Variants in ICAM2 observed in about 807,000 individuals in gnomAD.
The protein encoded by ICAM2 is ICAM-2.
Under a neutral mutation model 19.1 loss-of-function variants are expected in ICAM2, and 14 were observed. The observed-to-expected ratio is 0.73, with a 90% CI of 0.48 to 1.15. ICAM2 has a LOEUF of 1.15. Among genes scored for constraint, ICAM2 ranks in the 50% most tolerant of loss-of-function variants. The pLI is 0.00. For missense variants in ICAM2, 311 were observed against 355.4 expected (o/e 0.88, Z 1.00); for synonymous variants, 153 against 152.7 (o/e 1.00, Z -0.01).
At chr17:64,006,422 G>C (rs1216401072) in intron 2 of ICAM2, 1 of 533,936 alleles carries the variant, frequency 1.9e-6, no homozygotes, top group Non-Finnish European at 3.4e-6. Flanking sequence ...AGGATCACCC[G>C]AGCCCAGGGA....
intron 1 of ICAM2, among the ~76,000 whole-genome samples, chr17:64,008,294 A>G (rs12947080): frequency 0.91 from 138,887 of 152,152 alleles, 64,724 homozygotes; most frequent in East Asian, 1. Flanking sequence ...ATGTGGGGCC[A>G]GCAAAGTCCT....
chr17:64,003,980 G>C lies in ICAM2; in HGVS notation c.329-16C>G. 6.3e-7 allele frequency: 1 copy of C among 1,590,112 alleles called. No homozygotes were observed. ...CTTGGAGGCTCTGCAGGGGACAAAG[G>C]AGGGAGGTCTGGTCAGGATGGGGGT... On this transcript the variant is annotated splice_polypyrimidine_tract_variant and intron_variant, in intron 3 of 4. Coordinates refer to ENST00000579788, the MANE Select transcript of ICAM2 (RefSeq NM_001099789.2).
At chr17:64,019,098 A>G (rs1407597772) in intron 1 of ICAM2, among the ~76,000 whole-genome samples, 1 of 152,222 alleles carries the variant, frequency 6.6e-6, no homozygotes, top group African/African-American at 2.4e-5. Flanking sequence ...GCAAAAAGGA[A>G]TCAATAATAG....
In ICAM2 at chr17:64,006,679, C is replaced by G; in HGVS notation, c.13G>C (p.Gly5Arg). Residue 5 changes from glycine to arginine, a missense_variant, in exon 2 of 5, where the codon GGT becomes CGT. Gly to Arg is a moderately radical substitution (Grantham distance 125, BLOSUM62 -2). Transcript: ENST00000579788. The stretch of plus-strand genomic sequence containing the variant: ...AGGGCCACAGTCAGGGTCCTGTAAC[C>G]GAAAGAGGACATCTCTGGCAGTCTC... MSSF[G>R]YRTLTVALFT... The G allele has an allele frequency of 6.2e-7, 1 of 1,614,154 alleles. No individual in the cohort carries two copies. The highest frequency in any genetic ancestry group is 8.5e-7 in the Non-Finnish European group (1 of 1,179,998).
chr17:64,016,668 G>A (rs945445430), intron 1 of ICAM2, among the ~76,000 whole-genome samples: 5 of 152,298 alleles, frequency 3.3e-5, no homozygotes, highest in South Asian at 2.1e-4. Flanking sequence ...ATAAGCTTCC[G>A]TCGCCTACAG....
At chr17:64,014,437 AAGAG>A (rs796292502) in intron 1 of ICAM2, among the ~76,000 whole-genome samples, 3 of 126,530 alleles carry the variant, frequency 2.4e-5, no homozygotes, top group African/African-American at 8.4e-5. Flanking sequence ...GGAAGGAAGG[AAGAG>A]AGAGAGAGAG....
intron 1 of ICAM2, among the ~76,000 whole-genome samples, chr17:64,019,613 A>C (rs1261498266): frequency 2.6e-5 from 4 of 152,040 alleles, no homozygotes; most frequent in Admixed American, 2.6e-4. Context: ...CAAGAGATCG[A>C]GACTCTCCTG....
chr17:64,017,173 C>T (rs773099683), intron 1 of ICAM2, among the ~76,000 whole-genome samples: 6 of 152,120 alleles, frequency 3.9e-5, no homozygotes, highest in Non-Finnish European at 5.9e-5. Context: ...TCAAAACCAT[C>T]GGTATTTGTA....
chr17:64,005,745 G>A (rs767729677), intron 2 of ICAM2, among the ~76,000 whole-genome samples: 1 of 152,048 alleles, frequency 6.6e-6, no homozygotes, highest in Non-Finnish European at 1.5e-5. Context: ...CCCCCATAAA[G>A]CCCTCCCACA....
At chr17:64,006,464 TCC>T in intron 2 of ICAM2, 165 bp downstream of exon 2, 1 of 627,876 alleles carries the variant, frequency 1.6e-6, no homozygotes, top group South Asian at 2.0e-5. Flanking sequence ...GCCACTGTAC[TCC>T]AGCCTGGGTG....
intron 1 of ICAM2, among the ~76,000 whole-genome samples, chr17:64,010,557 A>AC (rs1911410979): frequency 6.8e-6 from 1 of 147,608 alleles, no homozygotes; most frequent in Non-Finnish European, 1.5e-5. Context: ...AAAAAAAACT[A>AC]TTAGAATTGT....
chr17:64,018,333 CAAAA>C (rs376250303), intron 1 of ICAM2, among the ~76,000 whole-genome samples: 2 of 52,736 alleles, frequency 3.8e-5, no homozygotes, highest in African/African-American at 9.6e-5. Flanking sequence ...GACTCTATCT[CAAAA>C]AAAAAAAAAA....
intron 2 of ICAM2, 92 bp from the exon 3 acceptor site, chr17:64,005,465 C>T: frequency 7.0e-7 from 1 of 1,431,602 alleles, no homozygotes; most frequent in Non-Finnish European, 9.6e-7. Context: ...GCTCCTGGGT[C>T]AGGGACTGAA....
In ICAM2 at chr17:64,006,459, T is replaced by C. The variant is rs539601136; in HGVS notation, c.61+172A>G. On this transcript the variant is annotated intron_variant, in intron 2 of 4. Transcript: ENST00000579788. Reference sequence around the variant, plus strand: ...GTGCAGTGAGCCATGATCATGCCACTGTACTCCAGCCTGGGTGATAGACCG... The same window carrying C: ...GTGCAGTGAGCCATGATCATGCCACCGTACTCCAGCCTGGGTGATAGACCG... 17 of 618,246 alleles carry C rather than the reference T, an allele frequency of 2.7e-5. No individual in the cohort carries two copies. In the East Asian group the frequency reaches 4.2e-4, roughly 15 times the overall value. The allele number at this position is 618,246 out of a possible 1,614,324, so 38.3% of individuals were successfully genotyped here.
chr17:64,003,809 C>T lies in ICAM2; in HGVS notation c.484G>A (p.Gly162Arg), dbSNP rs149059683. The part of the protein sequence containing the change: ...GNETLHYETF[G>R]KAAPAPQEAT... ...TCCTGCGGAGCAGGGGCTGCCTTCC[C>T]GAAGGTCTCATAGTGCAGAGTCTCA... Residue 162 changes from glycine (G) to arginine (R), a missense_variant, in exon 4 of 5, where the codon GGG becomes AGG. Gly to Arg is a moderately radical substitution (Grantham distance 125). Transcript: ENST00000579788. 37 of 1,614,224 alleles carry T rather than the reference C, an allele frequency of 2.3e-5. No homozygotes were observed. The East Asian group carries it at 4.7e-4, about 20-fold the overall frequency.
chr17:64,008,233 A>G (rs1339629215), intron 1 of ICAM2, among the ~76,000 whole-genome samples: 3 of 152,120 alleles, frequency 2.0e-5, no homozygotes, highest in African/African-American at 4.8e-5. Flanking sequence ...GCCAGCAGAG[A>G]AAAGGAGAAC....
At chr17:64,004,910 C>T (rs953652385) in intron 3 of ICAM2, 197 bp downstream of exon 3, 11 of 626,798 alleles carry the variant, frequency 1.8e-5, no homozygotes, top group African/African-American at 9.1e-5. Flanking sequence ...GGGTTGTCTG[C>T]GTCTTGAGAT....
chr17:64,011,113 A>G (rs1911433831), intron 1 of ICAM2, among the ~76,000 whole-genome samples: 1 of 152,184 alleles, frequency 6.6e-6, no homozygotes, highest in Non-Finnish European at 1.5e-5. Flanking sequence ...AAAGAGAAAG[A>G]TGAAAAAAAT....
At chr17:64,008,723 G>A (rs1371060222) in intron 1 of ICAM2, among the ~76,000 whole-genome samples, 1 of 152,186 alleles carries the variant, frequency 6.6e-6, no homozygotes, top group African/African-American at 2.4e-5. Context: ...CCCTCAAGAG[G>A]GAAAAGCAAC....
Sources: gnomAD v4.1 joint callset for allele counts (sites outside exome capture counted in the v4.1 genomes callset) on GRCh38, gnomAD v4.1.1 for gene constraint, MANE v1.5 for transcripts, NCBI Gene and HGNC (gene_info 2026-07-23, HGNC 2026-07-21) for gene names.